ZC3H12D: variants seen among roughly 807,000 people sequenced by gnomAD.
ZC3H12D encodes the protein probable ribonuclease ZC3H12D.
In ZC3H12D, 11 loss-of-function variants were observed where a neutral mutation model predicts 24.2. The ratio of observed to expected loss-of-function variants is 0.46; its 90% CI spans 0.29 to 0.75. The LOEUF is 0.75. Ranked by LOEUF, ZC3H12D falls within the 30% of genes least tolerant of loss-of-function variation. The pLI is 0.11. For missense variants in ZC3H12D, 740 were observed against 767.7 expected, an observed-to-expected ratio of 0.96 and a Z score of 0.43; for synonymous variants, 333 against 341.8, an observed-to-expected ratio of 0.97 and a Z score of 0.28.
chr6:149,452,467 G>C lies in ZC3H12D; in HGVS notation c.787+149C>G. The stretch of plus-strand genomic sequence containing the variant: ...GTTCTACAATAACCCTGTCAGGAAA[G>C]TTAACTCTCCAGGTAGCACAGCTGG... On this transcript the variant is annotated intron_variant, in intron 5 of 5. Transcript: ENST00000409806. The surrounding 1 kb of genome is among the most constrained non-coding windows in gnomAD (Gnocchi z 4.0). 1 of 588,226 alleles carries C rather than the reference G, an allele frequency of 1.7e-6. No individual in the cohort carries two copies. The highest frequency in any genetic ancestry group is 2.8e-6 in the Non-Finnish European group (1 of 361,296). The allele number at this position is 588,226 out of a possible 1,614,324, so 36.4% of individuals were successfully genotyped here. A position where few individuals can be genotyped will look rare whatever the true frequency, so the allele number is the denominator to read the frequency against.
In ZC3H12D at chr6:149,448,364, A is replaced by G. The variant is rs1775822854; in HGVS notation, c.*2319T>C. The G allele has an allele frequency of 6.6e-6, 1 of 152,032 alleles. No homozygotes were observed. The highest frequency in any genetic ancestry group is 1.5e-5 in the Non-Finnish European group (1 of 68,012). The allele number at this position is 152,032 out of a possible 1,614,324, so 9.4% of individuals were successfully genotyped here. On this transcript the variant is annotated 3_prime_UTR_variant, in exon 6 of 6. Coordinates refer to ENST00000409806, the MANE Select transcript of ZC3H12D (RefSeq NM_207360.3). ...GAGGTGGCTCATGCCTGTAATCCCA[A>G]CGCTTTGGGTCTTTACAAAAAATAG... is the stretch of plus-strand genomic sequence containing the variant.
chr6:149,483,667 C>T (rs1776457992), intron 1 of ZC3H12D, among the ~76,000 whole-genome samples: 1 of 152,186 alleles, frequency 6.6e-6, no homozygotes, highest in African/African-American at 2.4e-5. Context: ...CCTACCTCAG[C>T]CTCCTGAGCA....
chr6:149,468,750 C>T (rs1374169443), intron 2 of ZC3H12D, among the ~76,000 whole-genome samples: 1 of 152,128 alleles, frequency 6.6e-6, no homozygotes, highest in African/African-American at 2.4e-5. Context: ...TAACGTCAGA[C>T]AGAACAGAGT....
intron 2 of ZC3H12D, among the ~76,000 whole-genome samples, chr6:149,470,153 G>A (rs1233022570): frequency 6.6e-6 from 1 of 152,138 alleles, no homozygotes; most frequent in African/African-American, 2.4e-5. Context: ...GAGGTCAGGA[G>A]TTCAAGACCA....
intron 2 of ZC3H12D, among the ~76,000 whole-genome samples, chr6:149,470,459 C>T (rs749112097): frequency 7.2e-5 from 11 of 151,862 alleles, no homozygotes; most frequent in African/African-American, 2.7e-4. Flanking sequence ...CAACTGAACC[C>T]GGGAAGTGGA....
At chr6:149,483,119 GTTGTC>G (rs1554270722) in intron 1 of ZC3H12D, 1 of 152,376 alleles carries the variant, frequency 6.6e-6, no homozygotes, top group Non-Finnish European at 1.5e-5. Context: ...TGAGGAGAAA[GTTGTC>G]TTGTCCTGAG....
intron 1 of ZC3H12D, among the ~76,000 whole-genome samples, chr6:149,475,436 G>A (rs912730940): frequency 5.3e-5 from 8 of 152,056 alleles, no homozygotes; most frequent in East Asian, 1.9e-4. Context: ...GGCCTGCCCC[G>A]GCTGGGCATG....
In ZC3H12D at chr6:149,452,781, T is replaced by C. The variant is rs1775922952; in HGVS notation, c.681-59A>G. 1 of 1,465,670 alleles carries C rather than the reference T, an allele frequency of 6.8e-7. No homozygotes were observed. The allele number at this position is 1,465,670 out of a possible 1,614,324, so 90.8% of individuals were successfully genotyped here. A position where few individuals can be genotyped will look rare whatever the true frequency, so the allele number is the denominator to read the frequency against. On this transcript the variant is annotated intron_variant, in intron 4 of 5. Coordinates refer to ENST00000409806, the MANE Select transcript of ZC3H12D (RefSeq NM_207360.3). The surrounding 1 kb of genome is among the most constrained non-coding windows in gnomAD (Gnocchi z 4.0). ...ACCTGGGATTTGCCACCAGCACCTG[T>C]ACAAAGGGAGCAGGCCCAAGTTCCC...
chr6:149,468,414 T>A (rs903572911), intron 2 of ZC3H12D, among the ~76,000 whole-genome samples: 2 of 152,130 alleles, frequency 1.3e-5, no homozygotes, highest in African/African-American at 2.4e-5. Context: ...AACTAGACAA[T>A]CCAATTGTAC....
At chr6:149,475,799 G>A (rs1393017766) in intron 1 of ZC3H12D, among the ~76,000 whole-genome samples, 1 of 152,038 alleles carries the variant, frequency 6.6e-6, no homozygotes, top group African/African-American at 2.4e-5. Context: ...TTGGGGGGTG[G>A]CCTGGGAAGG....
Position 149,461,876 on chromosome 6 carries a change from G to T in ZC3H12D, c.400C>A (p.Pro134Thr). 1 of 1,590,902 alleles carries T rather than the reference G, an allele frequency of 6.3e-7. No homozygotes were observed. The highest frequency in any genetic ancestry group is 8.6e-7 in the Non-Finnish European group (1 of 1,168,718). The change falls in exon 3 of 6, where the codon CCA becomes ACA. Residue 134 changes from proline (P) to threonine (T), a missense_variant. By Grantham distance (38) the Pro-to-Thr change is conservative (BLOSUM62 -1). Coordinates refer to ENST00000409806, the MANE Select transcript of ZC3H12D (RefSeq NM_207360.3). The stretch of plus-strand genomic sequence containing the variant: ...CTTGGTGGGTCCTTCCTCCAGGATG[G>T]AACAAAAACTTTGATGTAGGTGTGT... ...RGHTYIKVFV[P>T]SWRKDPPRAD...
rs771374146 is a variant in ZC3H12D, at chr6:149,475,314, C to G, written c.-70-701G>C. On this transcript the variant is annotated intron_variant, in intron 1 of 5. Coordinates refer to ENST00000409806, the MANE Select transcript of ZC3H12D (RefSeq NM_207360.3). ...TGGCTTACCCAGGGCCAAATGCCCC[C>G]GGGCGAATTCTACTCCCAGAAAGGC... Among the ~76,000 whole-genome samples, 186 of 152,330 alleles carry G rather than the reference C, an allele frequency of 1.2e-3. 1 individual carries two copies. The highest frequency in any genetic ancestry group is 1.9e-3 in the Non-Finnish European group (130 of 68,026).
chr6:149,454,547 G>A (rs1293914989), intron 4 of ZC3H12D, among the ~76,000 whole-genome samples: 1 of 152,216 alleles, frequency 6.6e-6, no homozygotes, highest in African/African-American at 2.4e-5. Context: ...GTTATTAAAC[G>A]TTCCCAAAGA....
intron 1 of ZC3H12D, among the ~76,000 whole-genome samples, chr6:149,477,942 G>A (rs1035415099): frequency 3.9e-5 from 6 of 152,060 alleles, no homozygotes; most frequent in African/African-American, 1.4e-4. Flanking sequence ...GCTGAGGCGG[G>A]CGGATCACGA....
chr6:149,456,614 C>CCCCCCCCCCCCCCCCCCCCCCCCCCCGG lies in ZC3H12D; in HGVS notation c.680+51_680+52insCCGGGGGGGGGGGGGGGGGGGGGGGGGG. The CCCCCCCCCCCCCCCCCCCCCCCCCCCGG allele has an allele frequency of 8.4e-7, 1 of 1,190,778 alleles. No homozygotes were observed. The highest frequency in any genetic ancestry group is 1.2e-6 in the Non-Finnish European group (1 of 819,416). The allele number at this position is 1,190,778 out of a possible 1,614,324, so 73.8% of individuals were successfully genotyped here. A position where few individuals can be genotyped will look rare whatever the true frequency, so the allele number is the denominator to read the frequency against. ...GCAGGCGTGGCCACTGCCTCGACCC[C>CCCCCCCCCCCCCCCCCCCCCCCCCCCGG]GGCCCCCCGCCCCGCCGCCCCCCAG... On this transcript the variant is annotated intron_variant, in intron 4 of 5. Coordinates refer to ENST00000409806, the MANE Select transcript of ZC3H12D (RefSeq NM_207360.3). The surrounding 1 kb of genome is among the most constrained non-coding windows in gnomAD (Gnocchi z 4.3).
At chr6:149,469,820 T>A (rs1167779215) in intron 2 of ZC3H12D, among the ~76,000 whole-genome samples, 1 of 152,170 alleles carries the variant, frequency 6.6e-6, no homozygotes, top group African/African-American at 2.4e-5. Flanking sequence ...GAGTGGGGCC[T>A]CACACCTGCC....
Position 149,455,824 on chromosome 6 carries a change from C to T in ZC3H12D, c.680+842G>A, listed in dbSNP as rs189191939. Among the ~76,000 whole-genome samples the T allele has an allele frequency of 3.2e-3, 487 of 151,878 alleles. 4 individuals carry two copies. Among genetic ancestry groups the T allele is most frequent in the African/African-American group, 0.011 (454 of 41,366 alleles). On this transcript the variant is annotated intron_variant, in intron 4 of 5. Coordinates refer to ENST00000409806, the MANE Select transcript of ZC3H12D (RefSeq NM_207360.3). ...GGCTGAGGCAGGAGGATCGCTTGAG[C>T]CCAGGTGTTCAAGGCTGCAGTGAGC...
intron 1 of ZC3H12D, among the ~76,000 whole-genome samples, chr6:149,478,561 C>A (rs1276720979): frequency 6.6e-6 from 1 of 152,148 alleles, no homozygotes. Flanking sequence ...TAAACAAAGC[C>A]TCTTTAAGAA....
chr6:149,450,473 C>G lies in ZC3H12D; in HGVS notation c.*210G>C. Reference sequence around the variant, plus strand: ...CTCCACGGAAGTGGGTGGACCTCCCCGCAGCAGGCCCCGGCCTCAGTGAGG... The same window carrying G: ...CTCCACGGAAGTGGGTGGACCTCCCGGCAGCAGGCCCCGGCCTCAGTGAGG... On this transcript the variant is annotated 3_prime_UTR_variant, in exon 6 of 6. Transcript: ENST00000409806. 1 of 545,426 alleles carries G rather than the reference C, an allele frequency of 1.8e-6. No individual in the cohort carries two copies. The highest frequency in any genetic ancestry group is 3.2e-6 in the Non-Finnish European group (1 of 316,016). 33.8% of individuals were successfully genotyped at this position (545,426 alleles called of 1,614,324 possible).
Sources: gnomAD v4.1 joint callset for allele counts (sites outside exome capture counted in the v4.1 genomes callset) on GRCh38, gnomAD v4.1.1 for gene constraint, Gnocchi (gnomAD v3.1) non-coding constraint, MANE v1.5 for transcripts, NCBI Gene and HGNC (gene_info 2026-07-23, HGNC 2026-07-21) for gene names.